CHPT1: variants seen among roughly 807,000 people sequenced by gnomAD.
The protein encoded by CHPT1 is choline phosphotransferase 1, also known as cholinephosphotransferase 1.
Under a neutral mutation model 47.6 loss-of-function variants are expected in CHPT1, and 36 were observed. The ratio of observed to expected loss-of-function variants is 0.76; its 90% CI spans 0.58 to 1.00. CHPT1 has a LOEUF of 1.00. Ranked by LOEUF, CHPT1 falls within the 50% of genes least tolerant of loss-of-function variation. The probability of loss-of-function intolerance (pLI) is 0.00; values close to 1 mark genes in which losing one functional copy is unlikely to be tolerated. For synonymous variants in CHPT1, 194 were observed against 186.3 expected (o/e 1.04, Z -0.33); for missense variants, 458 against 498.1 (o/e 0.92, Z 0.77).
Position 101,725,100 on chromosome 12 carries a change from A to G in CHPT1, c.1066-1194A>G, listed in dbSNP as rs183416631. Among the ~76,000 whole-genome samples, 547 of 152,242 alleles carry G rather than the reference A, an allele frequency of 3.6e-3. 3 individuals carry two copies. The highest frequency in any genetic ancestry group is 0.012 in the African/African-American group (516 of 41,542). On this transcript the variant is annotated intron_variant, in intron 7 of 8. Coordinates refer to ENST00000229266, the MANE Select transcript of CHPT1 (RefSeq NM_020244.3). ...ATCTCACCGTATTTGTTAGAGTTGG[A>G]TATTTAAAAAAATCTGTATCTATTC... is the stretch of plus-strand genomic sequence containing the variant.
At chr12:101,723,947 T>G in intron 7 of CHPT1, 100 bp downstream of exon 7, 1 of 878,910 alleles carries the variant, frequency 1.1e-6, no homozygotes, top group Non-Finnish European at 1.7e-6. Context: ...CCAGGCGTGG[T>G]GACTCACGCC....
Position 101,728,922 on chromosome 12 carries a change from A to C in CHPT1, c.1198A>C (p.Ser400Arg). Residue 400 changes from serine (S) to arginine (R), a missense_variant, in exon 9 of 9, where the codon AGT (serine) becomes CGT (arginine). Ser to Arg is a moderately radical substitution (Grantham distance 110, BLOSUM62 -1). Coordinates refer to ENST00000229266, the MANE Select transcript of CHPT1 (RefSeq NM_020244.3). ...TTAGGTTCAAGTTCTTTCTTCAAAG[A>C]GTCATCAGAATAACATGGATTGAAG... ...PEQVQVLSSK[S>R]HQNNMD 1 of 1,613,512 alleles carries C rather than the reference A, an allele frequency of 6.2e-7. No individual in the cohort carries two copies. The highest frequency in any genetic ancestry group is 8.5e-7 in the Non-Finnish European group (1 of 1,179,676).
rs752647500 is a variant in CHPT1, at chr12:101,720,271, A to G, written c.780+17A>G. ...ACTATAGCAGTAAGGCAATAATTTC[A>G]TCATTCAGTGTCAATTTTATGATAC... On this transcript the variant is annotated intron_variant, in intron 5 of 8. Transcript: ENST00000229266. 6.3e-7 allele frequency: 1 copy of G among 1,578,860 alleles called. No individual in the cohort carries two copies. Among genetic ancestry groups the G allele is most frequent in the Non-Finnish European group, 8.6e-7 (1 of 1,163,818 alleles).
chr12:101,726,159 A>T, intron 7 of CHPT1, 135 bp from the exon 8 acceptor site: 1 of 631,842 alleles, frequency 1.6e-6, no homozygotes, highest in South Asian at 2.0e-5. Flanking sequence ...GAAATGTATT[A>T]AAGTGCTTTA....
chr12:101,726,030 T>C (rs552773024), intron 7 of CHPT1, among the ~76,000 whole-genome samples: 1 of 152,042 alleles, frequency 6.6e-6, no homozygotes, highest in South Asian at 2.1e-4. Flanking sequence ...GTCAGGAGAG[T>C]TGGGTTCTGT....
At chr12:101,713,623 T>G in intron 1 of CHPT1, among the ~76,000 whole-genome samples, 1 of 151,822 alleles carries the variant, frequency 6.6e-6, no homozygotes, top group African/African-American at 2.4e-5. Flanking sequence ...AAAACTGTTT[T>G]TTGTTTTTTG....
Position 101,697,879 on chromosome 12 carries a change from G to C in CHPT1, c.18G>C (p.Gly6=). Reference sequence around the variant, plus strand: ...AGGCGGCCATGGCGGCAGGCGCCGGGGCCGGGTCCGCGCCGCGCTGGCTGA... The same window carrying C: ...AGGCGGCCATGGCGGCAGGCGCCGGCGCCGGGTCCGCGCCGCGCTGGCTGA... MAAGA[G]AGSAPRWLRA... is the part of the protein sequence containing the mutation. Residue 6 remains glycine, a synonymous_variant, in exon 1 of 9, where the codon GGG becomes GGC. Transcript: ENST00000229266. 8.3e-7 allele frequency: 1 copy of C among 1,209,042 alleles called. No individual in the cohort carries two copies. Among genetic ancestry groups the C allele is most frequent in the Non-Finnish European group, 1.0e-6 (1 of 974,510 alleles). 74.9% of individuals were successfully genotyped at this position (1,209,042 alleles called of 1,614,324 possible).
chr12:101,699,453 TCTCGG>T (rs1194242198), intron 1 of CHPT1, among the ~76,000 whole-genome samples: 1 of 151,346 alleles, frequency 6.6e-6, no homozygotes, highest in African/African-American at 2.4e-5. Context: ...AATGTGGTGA[TCTCGG>T]CTCACTGCAA....
intron 1 of CHPT1, among the ~76,000 whole-genome samples, chr12:101,711,934 G>A (rs1207267296): frequency 6.7e-6 from 1 of 148,912 alleles, no homozygotes; most frequent in Non-Finnish European, 1.5e-5. Context: ...CGTGATGACT[G>A]CTTAGTTTTG....
intron 8 of CHPT1, 168 bp from the exon 9 acceptor site, chr12:101,728,733 T>C: frequency 2.9e-6 from 2 of 699,390 alleles, no homozygotes; most frequent in East Asian, 2.8e-5. Context: ...TTAATACATA[T>C]TCTTTAGGAA....
intron 4 of CHPT1, chr12:101,717,313 C>T (rs1951778494): frequency 2.2e-6 from 1 of 454,280 alleles, no homozygotes; most frequent in South Asian, 1.6e-5. Context: ...AAAGTTGGCT[C>T]TTAGGAGGCC....
chr12:101,700,948 A>C (rs10860774), intron 1 of CHPT1, among the ~76,000 whole-genome samples: 5 of 151,974 alleles, frequency 3.3e-5, no homozygotes, highest in Non-Finnish European at 7.4e-5. Flanking sequence ...TTCCAGAAAG[A>C]GTCAGCAAAA....
intron 1 of CHPT1, among the ~76,000 whole-genome samples, chr12:101,708,543 G>A (rs527598243): frequency 7.8e-4 from 118 of 152,200 alleles, no homozygotes; most frequent in Non-Finnish European, 1.4e-3. Context: ...AAAGAGTTCT[G>A]TAACATTGTT....
At chr12:101,714,457 T>C in intron 2 of CHPT1, 47 bp from the exon 3 acceptor site, 1 of 1,501,008 alleles carries the variant, frequency 6.7e-7, no homozygotes, top group Non-Finnish European at 9.0e-7. Context: ...AATTATTTCA[T>C]AAATTATTTT....
At chr12:101,712,166 T>C (rs973992571) in intron 1 of CHPT1, among the ~76,000 whole-genome samples, 3 of 148,038 alleles carry the variant, frequency 2.0e-5, no homozygotes, top group Non-Finnish European at 4.5e-5. Flanking sequence ...GGACTACAAG[T>C]GTACACCGCC....
chr12:101,717,549 G>A (rs973216051), intron 4 of CHPT1, among the ~76,000 whole-genome samples: 3 of 152,010 alleles, frequency 2.0e-5, no homozygotes, highest in African/African-American at 7.3e-5. Flanking sequence ...CTGCCCCTCA[G>A]AACAATCCTA....
At chr12:101,705,204 C>T (rs1402055230) in intron 1 of CHPT1, among the ~76,000 whole-genome samples, 1 of 135,064 alleles carries the variant, frequency 7.4e-6, no homozygotes, top group Non-Finnish European at 1.5e-5. Flanking sequence ...GCTGGGATTA[C>T]AGGTGTGCAC....
Position 101,701,925 on chromosome 12 carries a change from G to C in CHPT1, c.273+3791G>C, listed in dbSNP as rs759790570. Among the ~76,000 whole-genome samples, 128 of 152,146 alleles carry C rather than the reference G, an allele frequency of 8.4e-4. 1 individual carries two copies. The highest frequency in any genetic ancestry group is 3.2e-4 in the Non-Finnish European group (22 of 68,008). On this transcript the variant is annotated intron_variant, in intron 1 of 8. Coordinates refer to ENST00000229266, the MANE Select transcript of CHPT1 (RefSeq NM_020244.3). The stretch of plus-strand genomic sequence containing the variant: ...AAATACCTAGCAATTGTTTGGCCTT[G>C]GTAGTTTTAAGTAGAGTAAGCAAGT...
At chr12:101,717,173 A>G in intron 4 of CHPT1, 1 of 406,820 alleles carries the variant, frequency 2.5e-6, no homozygotes, top group Non-Finnish European at 4.9e-6. Context: ...AATGTTTTAC[A>G]TTTAAAACTT....
Sources: gnomAD v4.1 joint callset for allele counts (sites outside exome capture counted in the v4.1 genomes callset) on GRCh38, gnomAD v4.1.1 for gene constraint, MANE v1.5 for transcripts, NCBI Gene and HGNC (gene_info 2026-07-23, HGNC 2026-07-21) for gene names.